Variants in TRMT11 observed in about 807,000 individuals in gnomAD.
TRMT11 encodes the protein tRNA methyltransferase 11.
In TRMT11, 53 loss-of-function variants were observed where a neutral mutation model predicts 62.8. The ratio of observed to expected loss-of-function variants is 0.84; its 90% CI spans 0.68 to 1.06. The LOEUF (loss-of-function observed/expected upper bound fraction) is 1.06, where lower values mean the gene tolerates loss of function less well. Among genes scored for constraint, TRMT11 ranks in the 50% least tolerant of loss-of-function variants. The probability of loss-of-function intolerance (pLI) is 0.00; values close to 1 mark genes in which losing one functional copy is unlikely to be tolerated. For synonymous variants in TRMT11, 188 were observed against 190.3 expected (o/e 0.99, Z 0.10); for missense variants, 556 against 553.4 (o/e 1.00, Z -0.05).
At chr6:126,070,092 T>C (rs908404513) in intron 17 of TRMT11, among the ~76,000 whole-genome samples, 1 of 152,188 alleles carries the variant, frequency 6.6e-6, no homozygotes, top group Non-Finnish European at 1.5e-5. Flanking sequence ...ATGGGCTACC[T>C]TTCCTTTTCT....
chr6:126,056,905 C>T (rs867616106), intron 17 of TRMT11, among the ~76,000 whole-genome samples: 61 of 152,226 alleles, frequency 4.0e-4, no homozygotes, highest in South Asian at 1.9e-3. Flanking sequence ...TCCACCTGGC[C>T]CCAAAGCTGT....
chr6:126,045,187 CAA>C (rs58899844), intron 16 of TRMT11, among the ~76,000 whole-genome samples: 2 of 126,852 alleles, frequency 1.6e-5, no homozygotes, highest in African/African-American at 2.7e-5. Context: ...GACTCCATCT[CAA>C]AAAAAAAAAA....
chr6:126,115,701 C>T (rs1777578935), intron 20 of TRMT11, among the ~76,000 whole-genome samples: 1 of 152,104 alleles, frequency 6.6e-6, no homozygotes, highest in Non-Finnish European at 1.5e-5. Context: ...AAGCACCTTT[C>T]TGTATTCTAC....
chr6:126,038,317 T>G (rs1263361098), intron 12 of TRMT11, among the ~76,000 whole-genome samples: 1 of 151,910 alleles, frequency 6.6e-6, no homozygotes, highest in Non-Finnish European at 1.5e-5. Flanking sequence ...GAGTAGAAGC[T>G]TCCTTGTTTA....
intron 21 of TRMT11, among the ~76,000 whole-genome samples, chr6:126,170,396 T>C (rs2128235495): frequency 6.6e-6 from 1 of 152,322 alleles, no homozygotes; most frequent in East Asian, 1.9e-4. Context: ...TATCACTTAG[T>C]TTTCTCCCAG....
chr6:126,031,343 G>A (rs1401062772), intron 12 of TRMT11, among the ~76,000 whole-genome samples: 2 of 151,974 alleles, frequency 1.3e-5, no homozygotes, highest in Non-Finnish European at 2.9e-5. Context: ...TTTTCATCAC[G>A]CAACATGTGT....
chr6:126,161,518 T>C (rs1266468925), intron 21 of TRMT11, among the ~76,000 whole-genome samples: 1 of 152,240 alleles, frequency 6.6e-6, no homozygotes, highest in Non-Finnish European at 1.5e-5. Context: ...TCTTTGCTAT[T>C]GTGAATAGTG....
At chr6:126,151,806 T>TTCTTTC (rs1554242197) in intron 21 of TRMT11, among the ~76,000 whole-genome samples, 3 of 86,880 alleles carry the variant, frequency 3.5e-5, no homozygotes, top group Admixed American at 1.3e-4. Flanking sequence ...CCTCTCTGTC[T>TTCTTTC]TTTCTTTCTT....
chr6:126,207,977 A>C (rs956386898), downstream of TRMT11, among the ~76,000 whole-genome samples: 9 of 152,218 alleles, frequency 5.9e-5, no homozygotes, highest in Non-Finnish European at 1.3e-4. Context: ...GGAAAAGAAA[A>C]GCAGCTTAGA....
chr6:126,237,875 G>A, the TRMT11 span, among the ~76,000 whole-genome samples: 3 of 152,130 alleles, frequency 2.0e-5, no homozygotes, highest in Non-Finnish European at 4.4e-5. Flanking sequence ...ATTAATTATT[G>A]CCTCAATTTC....
intron 16 of TRMT11, among the ~76,000 whole-genome samples, chr6:126,051,051 G>A (rs773768413): frequency 4.6e-5 from 7 of 152,202 alleles, no homozygotes; most frequent in Admixed American, 1.3e-4. Context: ...GGGCTGGGGC[G>A]TGGGAGATGG....
chr6:126,100,985 G>A (rs375893202), intron 17 of TRMT11, among the ~76,000 whole-genome samples: 5 of 152,070 alleles, frequency 3.3e-5, no homozygotes, highest in South Asian at 2.1e-4. Flanking sequence ...TGGGGTTCAC[G>A]CTTCCATGAG....
the TRMT11 span, among the ~76,000 whole-genome samples, chr6:126,243,004 A>T: frequency 6.6e-6 from 1 of 151,790 alleles, no homozygotes; most frequent in Non-Finnish European, 1.5e-5. Flanking sequence ...GGCAACCTAC[A>T]GAGTGGGATA....
At chr6:126,253,614 T>C in the TRMT11 span, among the ~76,000 whole-genome samples, 2 of 152,218 alleles carry the variant, frequency 1.3e-5, no homozygotes, top group Non-Finnish European at 2.9e-5. Context: ...ATGTCACTAG[T>C]CACTAGGCGA....
At position 126,117,751 on chromosome 6, in the gene TRMT11, A is replaced by G. The variant is rs368820772; in HGVS notation, c.*1823+1896A>G. Among the ~76,000 whole-genome samples, 6 of 152,184 alleles carry G rather than the reference A, an allele frequency of 3.9e-5. No individual in the cohort carries two copies. In the South Asian group the frequency reaches 6.2e-4, roughly 16 times the overall value. ...AAACAAAGGCAATAAAGCCCTTCAA[A>G]AATGTTTTTAACCAGAAAACACTGA... On this transcript the variant is annotated intron_variant and NMD_transcript_variant, in intron 21 of 22. Transcript: ENST00000648977.
intron 21 of TRMT11, among the ~76,000 whole-genome samples, chr6:126,140,360 G>C (rs1469496731): frequency 2.0e-5 from 3 of 151,802 alleles, no homozygotes; most frequent in Non-Finnish European, 2.9e-5. Flanking sequence ...CTCTTGTTTT[G>C]GTATTAGTGC....
downstream of TRMT11, among the ~76,000 whole-genome samples, chr6:126,204,507 T>G (rs1778771300): frequency 6.6e-6 from 1 of 152,230 alleles, no homozygotes; most frequent in Non-Finnish European, 1.5e-5. Context: ...TCCTGACAAG[T>G]CCGCTTAGCT....
intron 3 of TRMT11, among the ~76,000 whole-genome samples, 183 bp from the exon 4 acceptor site, chr6:125,997,870 T>G (rs150864308): frequency 1.3e-5 from 2 of 152,340 alleles, no homozygotes; most frequent in African/African-American, 4.8e-5. Flanking sequence ...GAGAAGACAT[T>G]GGGAATAATT....
At chr6:126,256,749 A>G in the TRMT11 span, among the ~76,000 whole-genome samples, 2 of 152,170 alleles carry the variant, frequency 1.3e-5, no homozygotes, top group African/African-American at 2.4e-5. Flanking sequence ...TCTCATTCCT[A>G]TGAGCTCTGG....
Sources: allele counts gnomAD v4.1 joint callset (sites outside exome capture counted in the v4.1 genomes callset), GRCh38; gene constraint gnomAD v4.1.1; transcripts MANE v1.5; gene names NCBI Gene and HGNC (gene_info 2026-07-23, HGNC 2026-07-21).